Variants in CEP135 observed in about 807,000 individuals in gnomAD.
CEP135 encodes the protein centrosomal protein 135.
CEP135 carries 142 observed loss-of-function variants against 157.3 expected under a neutral mutation model. The ratio of observed to expected loss-of-function variants is 0.90; its 90% CI spans 0.79 to 1.04. CEP135 has a LOEUF of 1.04. Ranked by LOEUF, CEP135 falls within the 50% of genes least tolerant of loss-of-function variation. CEP135 has a pLI of 0.00. For synonymous variants in CEP135, 396 were observed against 439.8 expected (o/e 0.90, Z 1.25); for missense variants, 1,317 against 1,309.2 (o/e 1.01, Z -0.09).
intron 15 of CEP135, among the ~76,000 whole-genome samples, chr4:55,995,755 G>C (rs1729948826): frequency 6.6e-6 from 1 of 152,142 alleles, no homozygotes; most frequent in African/African-American, 2.4e-5. Flanking sequence ...GTCAACCCCT[G>C]CTCAAGGAAA....
intron 24 of CEP135, among the ~76,000 whole-genome samples, chr4:56,024,064 T>C (rs1731070737): frequency 7.0e-6 from 1 of 143,862 alleles, no homozygotes; most frequent in Admixed American, 7.1e-5. Context: ...ATGTTACATA[T>C]ATTATATATT....
intron 6 of CEP135, among the ~76,000 whole-genome samples, chr4:55,961,460 C>T (rs1423759084): frequency 6.6e-6 from 1 of 151,838 alleles, no homozygotes; most frequent in Non-Finnish European, 1.5e-5. Context: ...GCTGTTTTCC[C>T]AATTTATATA....
At chr4:55,985,054 A>G (rs1729531241) in intron 13 of CEP135, among the ~76,000 whole-genome samples, 1 of 152,220 alleles carries the variant, frequency 6.6e-6, no homozygotes, top group South Asian at 2.1e-4. Flanking sequence ...TTCTACTACA[A>G]TCACACATGG....
chr4:56,030,999 G>A (rs1731324698), intron 25 of CEP135, among the ~76,000 whole-genome samples: 1 of 151,960 alleles, frequency 6.6e-6, no homozygotes, highest in Non-Finnish European at 1.5e-5. Context: ...AAAAAAATGA[G>A]CCAGGCATGG....
chr4:55,979,960 G>C lies in CEP135; in HGVS notation c.1474-183G>C, dbSNP rs949070756. 2.0e-5 allele frequency among the ~76,000 whole-genome samples: 3 copies of C among 152,120 alleles called. No homozygotes were observed. In the South Asian group the frequency reaches 6.2e-4, roughly 32 times the overall value. On this transcript the variant is annotated intron_variant, in intron 11 of 25. Coordinates refer to ENST00000257287, the MANE Select transcript of CEP135 (RefSeq NM_025009.5). ...TGGGAACTTGAAGGCCAGGAAATTT[G>C]CCCTGGTACTGCCAGTGCTCTCATC...
chr4:56,032,686 CAGAAGTACAAAAA>C lies in CEP135; in HGVS notation c.*1343_*1355del, dbSNP rs1380956590. On this transcript the variant is annotated 3_prime_UTR_variant, in exon 26 of 26. Coordinates refer to ENST00000257287, the MANE Select transcript of CEP135 (RefSeq NM_025009.5). ...GTGTATACCTATGTTAATGAAACAA[CAGAAGTACAAAAA>C]AGAATATCAGATACAAAAATCAATC... The C allele has an allele frequency of 6.6e-6, 1 of 151,860 alleles. No individual in the cohort carries two copies. Among genetic ancestry groups the C allele is most frequent in the Admixed American group, 6.6e-5 (1 of 15,226 alleles). 9.4% of individuals were successfully genotyped at this position (151,860 alleles called of 1,614,324 possible).
chr4:56,006,229 T>G (rs996978143), intron 17 of CEP135, among the ~76,000 whole-genome samples: 2 of 152,222 alleles, frequency 1.3e-5, no homozygotes, highest in Non-Finnish European at 2.9e-5. Flanking sequence ...AGGTTTTGTA[T>G]TTTTCTATAT....
chr4:56,026,202 C>G (rs1279544807), intron 25 of CEP135, among the ~76,000 whole-genome samples: 1 of 151,938 alleles, frequency 6.6e-6, no homozygotes, highest in Non-Finnish European at 1.5e-5. Flanking sequence ...GAGTGAGACT[C>G]CATCCAAAAA....
chr4:55,955,284 C>T (rs770422158), intron 4 of CEP135, among the ~76,000 whole-genome samples: 5 of 152,092 alleles, frequency 3.3e-5, no homozygotes, highest in Admixed American at 6.6e-5. Context: ...TGATGAGTAC[C>T]AAAAGTAATT....
Position 56,011,494 on chromosome 4 carries a change from C to T in CEP135, c.2588C>T (p.Ser863Leu). The part of the protein sequence containing the change: ...SRVHKYITEV[S>L]RWESLMAAKE... ...GTTCATAAATACATAACAGAGGTGT[C>T]ACGATGGGAGAGCTTAATGGCTGCC... The change falls in exon 20 of 26, where the codon TCA (serine) becomes TTA (leucine). Residue 863 changes from serine (S) to leucine (L), a missense_variant. Ser to Leu is a moderately radical substitution (Grantham distance 145, BLOSUM62 -2). Coordinates refer to ENST00000257287, the MANE Select transcript of CEP135 (RefSeq NM_025009.5). 6.2e-7 allele frequency: 1 copy of T among 1,608,850 alleles called. No individual in the cohort carries two copies. The highest frequency in any genetic ancestry group is 1.3e-5 in the African/African-American group (1 of 74,280).
intron 14 of CEP135, among the ~76,000 whole-genome samples, chr4:55,988,693 C>T (rs1729683345): frequency 6.9e-6 from 1 of 145,300 alleles, no homozygotes; most frequent in African/African-American, 2.6e-5. Flanking sequence ...CGTGGTGGCT[C>T]ACGCCTGTAA....
intron 11 of CEP135, among the ~76,000 whole-genome samples, chr4:55,978,646 G>A (rs1224764276): frequency 1.3e-5 from 2 of 152,156 alleles, no homozygotes; most frequent in African/African-American, 4.8e-5. Context: ...GAACTCCTGG[G>A]CTGAAGTAAT....
At chr4:56,019,586 C>T in intron 23 of CEP135, 31 bp downstream of exon 23, 1 of 1,545,330 alleles carries the variant, frequency 6.5e-7, no homozygotes, top group Non-Finnish European at 8.8e-7. Flanking sequence ...TATGCAAAGA[C>T]AATTGCTTGT....
At chr4:55,978,789 G>A (rs941333839) in intron 11 of CEP135, among the ~76,000 whole-genome samples, 3 of 152,116 alleles carry the variant, frequency 2.0e-5, no homozygotes, top group African/African-American at 7.2e-5. Flanking sequence ...GCCTCAAGCA[G>A]TCCTCCTGCC....
At chr4:55,996,959 T>G (rs1051542088) in intron 15 of CEP135, among the ~76,000 whole-genome samples, 3 of 152,224 alleles carry the variant, frequency 2.0e-5, no homozygotes, top group African/African-American at 7.2e-5. Flanking sequence ...GAGATGGACC[T>G]CTACCCAGTC....
chr4:55,964,281 T>A lies in CEP135; in HGVS notation c.707T>A (p.Leu236Gln). 1 of 1,608,964 alleles carries A rather than the reference T, an allele frequency of 6.2e-7. No individual in the cohort carries two copies. Among genetic ancestry groups the A allele is most frequent in the Non-Finnish European group, 8.5e-7 (1 of 1,178,128 alleles). ...GCATGACTATATCTTCAGATTGAGC[T>A]AAGAGAACGAGAGATAGAACGACTG... ...GVRDYSKQIE[L>Q]REREIERLSV... is the part of the protein sequence containing the mutation. Residue 236 changes from leucine (L) to glutamine (Q), a missense_variant, in exon 7 of 26, where the codon CTA becomes CAA. By Grantham distance (113) the Leu-to-Gln change is moderately radical. Transcript: ENST00000257287.
intron 21 of CEP135, 113 bp downstream of exon 21, chr4:56,012,098 C>A: frequency 1.4e-6 from 1 of 711,646 alleles, no homozygotes; most frequent in Non-Finnish European, 2.0e-6. Context: ...GACTCTGTTG[C>A]CCAGGCTGGA....
At position 56,024,504 on chromosome 4, in the gene CEP135, A is replaced by G. The variant is rs1344988002; in HGVS notation, c.3324A>G (p.Glu1108=). The part of the protein sequence containing the change: ...RQISTERYER[E]RAIQEMRRHG... ...CTTGTTTGATCTTTACTAACAGAGAACGAGCAATCCAAGAGATGCGTCGAC... is the reference window on the plus strand; with the variant it reads ...CTTGTTTGATCTTTACTAACAGAGAGCGAGCAATCCAAGAGATGCGTCGAC... Residue 1108 remains glutamate (E), a synonymous_variant, in exon 25 of 26, where the codon GAA becomes GAG. Transcript: ENST00000257287. 1 of 1,612,928 alleles carries G rather than the reference A, an allele frequency of 6.2e-7. No individual in the cohort carries two copies. Among genetic ancestry groups the G allele is most frequent in the Non-Finnish European group, 8.5e-7 (1 of 1,179,054 alleles).
intron 9 of CEP135, among the ~76,000 whole-genome samples, chr4:55,970,394 A>G (rs1728992848): frequency 6.6e-6 from 1 of 152,254 alleles, no homozygotes; most frequent in Non-Finnish European, 1.5e-5. Flanking sequence ...GGATTTTAAA[A>G]AAATAACCTG....
Sources: allele counts gnomAD v4.1 joint callset (sites outside exome capture counted in the v4.1 genomes callset), GRCh38; gene constraint gnomAD v4.1.1; transcripts MANE v1.5; gene names NCBI Gene and HGNC (gene_info 2026-07-23, HGNC 2026-07-21).